The following DNAJC1 variants were observed in gnomAD, a reference collection of about 807,000 sequenced individuals.
DNAJC1 encodes dnaJ homolog subfamily C member 1.
In DNAJC1, 58 loss-of-function variants were observed where a neutral mutation model predicts 76.6. That is an observed-to-expected ratio of 0.76 (90% CI 0.61 to 0.94). The LOEUF (loss-of-function observed/expected upper bound fraction) is 0.94. Ranked by LOEUF, DNAJC1 falls within the 40% of genes least tolerant of loss-of-function variation. The pLI, the probability that DNAJC1 is intolerant of heterozygous loss-of-function variation, is 0.00. For missense variants in DNAJC1, 689 were observed against 677.3 expected (o/e 1.02, Z -0.19); for synonymous variants, 258 against 267.9 (o/e 0.96, Z 0.36).
chr10:21,928,998 C>T lies in DNAJC1; in HGVS notation c.324+42G>A, dbSNP rs764947005. On this transcript the variant is annotated intron_variant, in intron 2 of 11. Coordinates refer to ENST00000376980, the MANE Select transcript of DNAJC1 (RefSeq NM_022365.4). ...TATTTCTACCATCGACATGTTAATA[C>T]ATTTGTCACAAAATATATATATAAT... 2.1e-5 allele frequency: 26 copies of T among 1,239,082 alleles called. 1 individual carries two copies. In the South Asian group the frequency reaches 2.9e-4, roughly 14 times the overall value. The allele number at this position is 1,239,082 out of a possible 1,614,324, so 76.8% of individuals were successfully genotyped here.
At chr10:21,894,963 T>C (rs1590037577) in intron 7 of DNAJC1, among the ~76,000 whole-genome samples, 1 of 152,350 alleles carries the variant, frequency 6.6e-6, no homozygotes, top group East Asian at 1.9e-4. Context: ...ATCTTGATCT[T>C]GGACTTCTCA....
chr10:21,810,441 C>T (rs1023904912), intron 8 of DNAJC1, among the ~76,000 whole-genome samples: 11 of 152,260 alleles, frequency 7.2e-5, no homozygotes, highest in Admixed American at 4.6e-4. Flanking sequence ...ATGCATGCCT[C>T]GCCCTAACCA....
At chr10:21,802,699 A>G (rs1313007560) in intron 9 of DNAJC1, among the ~76,000 whole-genome samples, 2 of 152,146 alleles carry the variant, frequency 1.3e-5, no homozygotes, top group East Asian at 1.9e-4. Context: ...CCAGAATGCA[A>G]GAGATTAGTG....
chr10:21,901,655 C>A (rs916177596), intron 7 of DNAJC1, among the ~76,000 whole-genome samples: 1 of 152,150 alleles, frequency 6.6e-6, no homozygotes, highest in Non-Finnish European at 1.5e-5. Context: ...GACTATCACA[C>A]CCTACTCAAA....
chr10:21,799,027 T>A (rs886348835), intron 9 of DNAJC1, among the ~76,000 whole-genome samples: 3 of 152,216 alleles, frequency 2.0e-5, no homozygotes, highest in Non-Finnish European at 2.9e-5. Flanking sequence ...GGAGAGAACT[T>A]ACTTTGGTGA....
chr10:21,963,473 A>G lies in DNAJC1; in HGVS notation c.223-34332T>C, dbSNP rs181214202. 9.8e-4 allele frequency among the ~76,000 whole-genome samples: 149 copies of G among 152,360 alleles called. 1 individual carries two copies. The highest frequency in any genetic ancestry group is 3.5e-3 in the African/African-American group (144 of 41,598). ...GGGTTAAAAGATTGTTTTAAGTTAG[A>G]TAGAATAAAGCTGAAGGTTTGAACA... On this transcript the variant is annotated intron_variant, in intron 1 of 11. Transcript: ENST00000376980.
chr10:21,978,757 T>A (rs1838105004), intron 1 of DNAJC1, among the ~76,000 whole-genome samples: 1 of 151,996 alleles, frequency 6.6e-6, no homozygotes, highest in Admixed American at 6.6e-5. Context: ...GACCCAAGAA[T>A]CCTAAGGTAA....
intron 9 of DNAJC1, chr10:21,804,031 T>G (rs1834851838): frequency 3.3e-6 from 3 of 910,124 alleles, no homozygotes; most frequent in Non-Finnish European, 3.9e-6. Context: ...TGCAAAAGTT[T>G]AAAAAGATGC....
chr10:21,832,837 G>T (rs1835382718), intron 8 of DNAJC1, among the ~76,000 whole-genome samples: 1 of 152,130 alleles, frequency 6.6e-6, no homozygotes, highest in Non-Finnish European at 1.5e-5. Flanking sequence ...TCTCATTCAA[G>T]ATCTATGATT....
intron 1 of DNAJC1, among the ~76,000 whole-genome samples, chr10:21,956,578 CATAT>C (rs1837687583): frequency 6.7e-6 from 1 of 149,844 alleles, no homozygotes; most frequent in African/African-American, 2.4e-5. Context: ...TATTTATGTA[CATAT>C]ATAAACATAT....
chr10:21,837,791 CCCGCCCGG>C, intron 8 of DNAJC1, among the ~76,000 whole-genome samples: 2 of 148,422 alleles, frequency 1.3e-5, no homozygotes, highest in African/African-American at 5.0e-5. Context: ...GGGGGCAGCC[CCCGCCCGG>C]CCAGCCGCCC....
At chr10:21,828,120 T>C (rs1300388336) in intron 8 of DNAJC1, among the ~76,000 whole-genome samples, 1 of 152,256 alleles carries the variant, frequency 6.6e-6, no homozygotes, top group African/African-American at 2.4e-5. Flanking sequence ...CTTTGCCAGA[T>C]GTATACTTTG....
At chr10:21,770,234 CTTAATAG>C (rs1334585893) in intron 9 of DNAJC1, among the ~76,000 whole-genome samples, 2 of 152,126 alleles carry the variant, frequency 1.3e-5, no homozygotes, top group African/African-American at 2.4e-5. Context: ...AGGTCCCTAA[CTTAATAG>C]TTAATAATTA....
chr10:21,824,283 G>C (rs534610172), intron 8 of DNAJC1, among the ~76,000 whole-genome samples: 3 of 152,236 alleles, frequency 2.0e-5, no homozygotes, highest in South Asian at 4.1e-4. Context: ...CAAAAACTAG[G>C]CTAGGCAAGA....
chr10:21,842,769 T>A (rs1224323639), intron 8 of DNAJC1, among the ~76,000 whole-genome samples: 1 of 152,188 alleles, frequency 6.6e-6, no homozygotes, highest in Admixed American at 6.5e-5. Context: ...TTAAGGATGG[T>A]CTCTAATAAA....
rs1176880443 is a variant in DNAJC1 at position 21,759,239 on chromosome 10, C to T, written c.1527G>A (p.Leu509=). 6.2e-7 allele frequency: 1 copy of T among 1,614,238 alleles called. No individual in the cohort carries two copies. The highest frequency in any genetic ancestry group is 1.7e-5 in the Admixed American group (1 of 60,032). ...QNQQKLLELA[L]QQYPRGSSDR... is the part of the protein sequence containing the mutation. ...CAGAGGATCCCCTTGGGTACTGCTG[C>T]AACGCCAGTTCCAGAAGTTTCTGTT... The change falls in exon 11 of 12, where the codon TTG becomes TTA. Residue 509 remains leucine (L), a synonymous_variant. Transcript: ENST00000376980.
intron 1 of DNAJC1, among the ~76,000 whole-genome samples, chr10:21,971,044 C>A (rs549458559): frequency 6.6e-6 from 1 of 151,752 alleles, no homozygotes; most frequent in South Asian, 2.1e-4. Context: ...ACATAAGTAT[C>A]TTTTAACATT....
intron 6 of DNAJC1, 48 bp downstream of exon 6, chr10:21,918,731 T>G (rs765786136): frequency 7.3e-7 from 1 of 1,373,468 alleles, no homozygotes; most frequent in South Asian, 1.2e-5. Flanking sequence ...ATTTCATGAG[T>G]GATTAAAAAT....
intron 1 of DNAJC1, among the ~76,000 whole-genome samples, chr10:21,957,121 ACCTCGTGATCCACCCG>A (rs946413751): frequency 6.6e-6 from 1 of 151,844 alleles, no homozygotes; most frequent in Admixed American, 6.6e-5. Flanking sequence ...TGAACTCCTG[ACCTCGTGATCCACCCG>A]CCTCGGCCTC....
Sources: gnomAD v4.1 joint callset for allele counts (sites outside exome capture counted in the v4.1 genomes callset) on GRCh38, gnomAD v4.1.1 for gene constraint, MANE v1.5 for transcripts, NCBI Gene and HGNC (gene_info 2026-07-23, HGNC 2026-07-21) for gene names.